CRIM1: variants seen among roughly 807,000 people sequenced by gnomAD.
CRIM1 encodes the protein cysteine-rich motor neuron 1 protein.
In CRIM1, 32 loss-of-function variants were observed where a neutral mutation model predicts 116.4. The ratio of observed to expected loss-of-function variants is 0.27; its 90% CI spans 0.21 to 0.37. The LOEUF is 0.37. Among genes scored for constraint, CRIM1 ranks in the 10% least tolerant of loss-of-function variants. The pLI, the probability that CRIM1 is intolerant of heterozygous loss-of-function variation, is 1.00. For missense variants in CRIM1, 1,331 were observed against 1,354.8 expected (o/e 0.98, Z 0.28); for synonymous variants, 590 against 509.2 (o/e 1.16, Z -2.13).
chr2:36,456,266 C>T (rs553746511), intron 4 of CRIM1, among the ~76,000 whole-genome samples: 2 of 152,256 alleles, frequency 1.3e-5, no homozygotes, highest in East Asian at 1.9e-4. Flanking sequence ...TATCCCCAGC[C>T]GCAATCCAGC....
At chr2:36,417,247 C>G (rs1322215742) in intron 2 of CRIM1, among the ~76,000 whole-genome samples, 2 of 152,208 alleles carry the variant, frequency 1.3e-5, no homozygotes, top group Non-Finnish European at 2.9e-5. Flanking sequence ...TCTTCCCCTA[C>G]TGTCTCGCCC....
chr2:36,491,675 T>G (rs953659304), intron 7 of CRIM1, among the ~76,000 whole-genome samples: 1 of 152,158 alleles, frequency 6.6e-6, no homozygotes, highest in African/African-American at 2.4e-5. Flanking sequence ...ATGAATGAAG[T>G]ATTGTCCCTA....
intron 4 of CRIM1, among the ~76,000 whole-genome samples, chr2:36,446,328 G>A (rs1676240741): frequency 6.6e-6 from 1 of 152,130 alleles, no homozygotes; most frequent in African/African-American, 2.4e-5. Context: ...GGAATTGTAT[G>A]TTTTCAGTTG....
At position 36,356,620 on chromosome 2, in the gene CRIM1, G is replaced by A. The variant is rs781775912; in HGVS notation, c.328G>A (p.Glu110Lys). The A allele has an allele frequency of 3.1e-6, 5 of 1,606,396 alleles. No individual in the cohort carries two copies. The highest frequency in any genetic ancestry group is 2.2e-5 in the South Asian group (2 of 90,670). Reference sequence around the variant, plus strand: ...CACCGAGTACGAAGCGGGCGTTTGCGAAGGTACGGCCGCCCGCTGCGGGCC... The same window carrying A: ...CACCGAGTACGAAGCGGGCGTTTGCAAAGGTACGGCCGCCCGCTGCGGGCC... ...SLTEYEAGVC[E>K]DENWTDDQLL... Residue 110 changes from glutamate (E) to lysine (K), a missense_variant, in exon 1 of 17, where the codon GAA becomes AAA. By Grantham distance (56) the Glu-to-Lys change is moderately conservative. This residue lies in a region of CRIM1 where 690 missense variants were observed against 676.0 expected (regional missense o/e 1.02). Coordinates refer to ENST00000280527, the MANE Select transcript of CRIM1 (RefSeq NM_016441.3). The surrounding 1 kb of genome is among the most constrained non-coding windows in gnomAD (Gnocchi z 4.3).
chr2:36,384,238 A>C (rs1671000869), intron 1 of CRIM1, among the ~76,000 whole-genome samples: 1 of 152,226 alleles, frequency 6.6e-6, no homozygotes. Context: ...ACAAGTGCCA[A>C]AGCCTTGAGG....
chr2:36,495,869 C>T (rs1572867634), intron 7 of CRIM1, among the ~76,000 whole-genome samples: 1 of 151,950 alleles, frequency 6.6e-6, no homozygotes, highest in East Asian at 1.9e-4. Context: ...CTAGATAATT[C>T]ATAAATAGGT....
intron 12 of CRIM1, among the ~76,000 whole-genome samples, chr2:36,518,591 G>A (rs936229187): frequency 1.3e-5 from 2 of 152,134 alleles, no homozygotes; most frequent in African/African-American, 2.4e-5. Flanking sequence ...CATCATGCAC[G>A]GCAGCCCAAG....
intron 7 of CRIM1, among the ~76,000 whole-genome samples, chr2:36,491,803 C>A (rs1417896071): frequency 6.6e-6 from 1 of 152,176 alleles, no homozygotes; most frequent in Non-Finnish European, 1.5e-5. Flanking sequence ...TAAATGTGCA[C>A]ACACACAAAC....
intron 2 of CRIM1, among the ~76,000 whole-genome samples, chr2:36,410,551 T>C (rs1276067316): frequency 1.3e-5 from 2 of 152,102 alleles, no homozygotes; most frequent in Non-Finnish European, 2.9e-5. Context: ...GTGGATTTTT[T>C]TTTTCTCTTT....
chr2:36,400,008 C>G (rs1398178109), intron 2 of CRIM1, among the ~76,000 whole-genome samples: 4 of 152,176 alleles, frequency 2.6e-5, no homozygotes, highest in African/African-American at 9.7e-5. Flanking sequence ...GTGATTTTCT[C>G]TAGTTCTTAT....
At chr2:36,519,540 G>A (rs1665242604) in intron 12 of CRIM1, among the ~76,000 whole-genome samples, 1 of 152,172 alleles carries the variant, frequency 6.6e-6, no homozygotes. Context: ...ATTCTCAACA[G>A]TGGCATTGAT....
intron 4 of CRIM1, among the ~76,000 whole-genome samples, chr2:36,448,024 T>A (rs895147145): frequency 1.3e-5 from 2 of 152,222 alleles, no homozygotes; most frequent in African/African-American, 4.8e-5. Context: ...TAAGAGCCTC[T>A]GAGCCACCGC....
At chr2:36,444,997 A>G (rs1257437689) in intron 4 of CRIM1, among the ~76,000 whole-genome samples, 2 of 152,118 alleles carry the variant, frequency 1.3e-5, no homozygotes, top group African/African-American at 4.8e-5. Context: ...CACATTGAAC[A>G]TACTGATGTT....
intron 1 of CRIM1, among the ~76,000 whole-genome samples, chr2:36,384,313 A>G (rs1671008712): frequency 6.6e-6 from 1 of 152,186 alleles, no homozygotes. Flanking sequence ...ACGGTCAGCT[A>G]GGGCTAGGCA....
chr2:36,496,523 C>G (rs1680603900), intron 7 of CRIM1, among the ~76,000 whole-genome samples: 1 of 152,146 alleles, frequency 6.6e-6, no homozygotes, highest in African/African-American at 2.4e-5. Flanking sequence ...TTCTTGCATG[C>G]TACAGCGTTG....
At chr2:36,373,668 C>T (rs1246384966) in intron 1 of CRIM1, among the ~76,000 whole-genome samples, 1 of 152,154 alleles carries the variant, frequency 6.6e-6, no homozygotes, top group Non-Finnish European at 1.5e-5. Flanking sequence ...ATCCCTGAAC[C>T]TGTATGTGTG....
intron 4 of CRIM1, among the ~76,000 whole-genome samples, chr2:36,459,070 T>C (rs1677378284): frequency 6.6e-6 from 1 of 152,234 alleles, no homozygotes; most frequent in Non-Finnish European, 1.5e-5. Flanking sequence ...TAAAACTAGT[T>C]GTACTTGTTT....
At chr2:36,491,278 A>G (rs1453812606) in intron 7 of CRIM1, among the ~76,000 whole-genome samples, 1 of 152,174 alleles carries the variant, frequency 6.6e-6, no homozygotes, top group African/African-American at 2.4e-5. Flanking sequence ...AACCCATCTC[A>G]GGAAACCGAG....
chr2:36,389,227 A>C (rs1047882401), intron 1 of CRIM1, among the ~76,000 whole-genome samples: 3 of 152,240 alleles, frequency 2.0e-5, no homozygotes, highest in African/African-American at 7.2e-5. Context: ...AGAAGGAAGC[A>C]CCAGCTTTGG....
Sources: gnomAD v4.1 joint callset for allele counts (sites outside exome capture counted in the v4.1 genomes callset) on GRCh38, gnomAD v4.1.1 for gene constraint, gnomAD v4.1.1 regional missense constraint, Gnocchi (gnomAD v3.1) non-coding constraint, MANE v1.5 for transcripts, NCBI Gene and HGNC (gene_info 2026-07-23, HGNC 2026-07-21) for gene names.